Variants in ZFTRAF1 observed in about 807,000 individuals in gnomAD.
ZFTRAF1 encodes the protein zinc finger TRAF-type-containing protein 1.
chr8:144,461,333 TGG>T, the ZFTRAF1 span, among the ~76,000 whole-genome samples: 3 of 152,142 alleles, frequency 2.0e-5, no homozygotes, highest in African/African-American at 7.2e-5. Flanking sequence ...TCACAGGGAC[TGG>T]GGAGTTGAAA....
chr8:144,452,080 G>A, the ZFTRAF1 span: 1 of 493,690 alleles, frequency 2.0e-6, no homozygotes, highest in East Asian at 3.8e-5. Flanking sequence ...ATGCCACCTT[G>A]CAGGGATGGT....
the ZFTRAF1 span, chr8:144,453,202 A>G: frequency 6.5e-7 from 1 of 1,547,026 alleles, no homozygotes; most frequent in South Asian, 1.2e-5. Flanking sequence ...TGTAAGGCTA[A>G]GCCCCTGACC....
the ZFTRAF1 span, among the ~76,000 whole-genome samples, chr8:144,459,774 G>A: frequency 6.6e-6 from 1 of 152,206 alleles, no homozygotes; most frequent in Non-Finnish European, 1.5e-5. Flanking sequence ...CAGAGTCAGG[G>A]ACTGTCTAAG....
At chr8:144,451,284 G>A in the ZFTRAF1 span, 8 of 157,614 alleles carry the variant, frequency 5.1e-5, no homozygotes, top group Non-Finnish European at 9.9e-5. Context: ...TGCCTGCACA[G>A]TCCTCTTGGG....
chr8:144,451,573 G>C, the ZFTRAF1 span: 1 of 154,070 alleles, frequency 6.5e-6, no homozygotes, highest in African/African-American at 2.4e-5. Context: ...GGGACTGGCT[G>C]CCCACGACCA....
the ZFTRAF1 span, among the ~76,000 whole-genome samples, chr8:144,459,440 A>G: frequency 6.6e-6 from 1 of 152,222 alleles, no homozygotes; most frequent in Non-Finnish European, 1.5e-5. Context: ...TGCAGCCCCA[A>G]CCTGACGTGA....
the ZFTRAF1 span, among the ~76,000 whole-genome samples, chr8:144,461,412 C>T: frequency 6.6e-6 from 1 of 152,208 alleles, no homozygotes; most frequent in Admixed American, 6.5e-5. Flanking sequence ...CAGTTTGTCC[C>T]TGCTGCTACC....
At chr8:144,461,392 G>A in the ZFTRAF1 span, among the ~76,000 whole-genome samples, 4 of 152,332 alleles carry the variant, frequency 2.6e-5, no homozygotes, top group South Asian at 2.1e-4. Flanking sequence ...CTCTGCCTCT[G>A]GGTGTCAACC....
chr8:144,453,488 TCA>T, the ZFTRAF1 span: 1 of 1,532,992 alleles, frequency 6.5e-7, no homozygotes, highest in African/African-American at 1.4e-5. Context: ...GAGACGAAGC[TCA>T]CAGACCTGCG....
chr8:144,461,575 C>T, the ZFTRAF1 span, among the ~76,000 whole-genome samples: 1 of 152,100 alleles, frequency 6.6e-6, no homozygotes, highest in Non-Finnish European at 1.5e-5. Flanking sequence ...CCTGGCCTGG[C>T]CTGGGTGAGG....
chr8:144,450,190 TC>T, the ZFTRAF1 span: 2 of 567,584 alleles, frequency 3.5e-6, no homozygotes, highest in African/African-American at 3.8e-5. Flanking sequence ...GAGGCAGGGG[TC>T]GGGGGGGTGA....
At chr8:144,453,731 G>A in the ZFTRAF1 span, 15 of 402,764 alleles carry the variant, frequency 3.7e-5, no homozygotes, top group Middle Eastern at 1.4e-3. Flanking sequence ...CGCCCTGGCA[G>A]TGACGGGTTC....
At chr8:144,453,502 G>T in the ZFTRAF1 span, 1 of 1,505,862 alleles carries the variant, frequency 6.6e-7, no homozygotes, top group Admixed American at 2.0e-5. Flanking sequence ...AGACCTGCGG[G>T]CTCATGCTCG....
chr8:144,453,284 G>A, the ZFTRAF1 span: 1 of 1,550,936 alleles, frequency 6.4e-7, no homozygotes, highest in African/African-American at 1.4e-5. Context: ...GGCGCAGGCA[G>A]AAGCCACACT....
chr8:144,452,955 C>T, the ZFTRAF1 span, among the ~76,000 whole-genome samples: 3 of 152,256 alleles, frequency 2.0e-5, no homozygotes, highest in East Asian at 3.9e-4. Flanking sequence ...ACACGCTGTC[C>T]TGGGCCCTTC....
the ZFTRAF1 span, chr8:144,453,542 G>A: frequency 5.7e-5 from 74 of 1,305,254 alleles, no homozygotes; most frequent in Non-Finnish European, 7.7e-5. Context: ...ATCAGCTCCA[G>A]CCAGGTGTCC....
chr8:144,455,923 C>T, the ZFTRAF1 span: 1 of 152,622 alleles, frequency 6.6e-6, no homozygotes, highest in Non-Finnish European at 1.5e-5. Context: ...TGGGCCGGCC[C>T]CTGGCCACAG....
the ZFTRAF1 span, among the ~76,000 whole-genome samples, chr8:144,460,442 C>T: frequency 6.6e-6 from 1 of 152,254 alleles, no homozygotes; most frequent in South Asian, 2.1e-4. Context: ...GGATGCAGTG[C>T]ACCAGGGACC....
At chr8:144,453,123 G>T in the ZFTRAF1 span, 1 of 1,105,578 alleles carries the variant, frequency 9.0e-7, no homozygotes, top group Non-Finnish European at 1.3e-6. Context: ...AGACAGCAGA[G>T]ACAGCCAGAC....
Sources: allele counts gnomAD v4.1 joint callset (sites outside exome capture counted in the v4.1 genomes callset), GRCh38; gene constraint gnomAD v4.1.1; transcripts MANE v1.5; gene names NCBI Gene and HGNC (gene_info 2026-07-23, HGNC 2026-07-21).